Variants in CELF4 observed in about 807,000 individuals in gnomAD.
CELF4 encodes the protein CUG-BP- and ETR-3-like factor 4.
In CELF4, 18 loss-of-function variants were observed where a neutral mutation model predicts 59.9. The ratio of observed to expected loss-of-function variants is 0.30; its 90% CI spans 0.21 to 0.45. The LOEUF (loss-of-function observed/expected upper bound fraction) is 0.45, where lower values mean the gene tolerates loss of function less well. Among genes scored for constraint, CELF4 ranks in the 20% least tolerant of loss-of-function variants. The pLI, the probability that CELF4 is intolerant of heterozygous loss-of-function variation, is 1.00. For missense variants in CELF4, 456 were observed against 689.0 expected (o/e 0.66, Z 3.79); for synonymous variants, 261 against 267.1 (o/e 0.98, Z 0.22).
intron 1 of CELF4, among the ~76,000 whole-genome samples, chr18:37,515,003 G>C (rs946696955): frequency 6.6e-6 from 1 of 152,212 alleles, no homozygotes; most frequent in South Asian, 2.1e-4. Flanking sequence ...TCCATTGCGG[G>C]AACATAATTT....
In CELF4 at chr18:37,275,158, G is replaced by A. The variant is rs188640811; in HGVS notation, c.534C>T (p.Ile178=). ...VRRLFEAFGN[I]EECTILRGPD... ...GCCCGCGCAGGATGGTGCACTCCTC[G>A]ATGTTCCCAAAGGCCTCGAAAAGGC... is the stretch of plus-strand genomic sequence containing the variant. Residue 178 remains isoleucine (I), a synonymous_variant, in exon 4 of 13, where the codon ATC becomes ATT. Transcript: ENST00000420428. The A allele has an allele frequency of 5.0e-4, 806 of 1,613,520 alleles. 7 individuals carry two copies. The East Asian group carries it at 0.016, about 31-fold the overall frequency.
chr18:37,315,265 G>A (rs1043273149), intron 3 of CELF4, among the ~76,000 whole-genome samples: 13 of 152,132 alleles, frequency 8.5e-5, no homozygotes, highest in South Asian at 2.1e-4. Flanking sequence ...AAGAGACAAA[G>A]GGAGCCCACA....
chr18:37,365,360 C>G (rs542430083), intron 2 of CELF4, among the ~76,000 whole-genome samples: 2 of 151,838 alleles, frequency 1.3e-5, no homozygotes, highest in African/African-American at 4.8e-5. Flanking sequence ...AAACCTCATT[C>G]GAAGGGAGAA....
chr18:37,409,752 G>T (rs776521990), intron 2 of CELF4, among the ~76,000 whole-genome samples: 1 of 152,146 alleles, frequency 6.6e-6, no homozygotes, highest in Non-Finnish European at 1.5e-5. Context: ...AGGACTCTGG[G>T]TCTATACTTG....
intron 2 of CELF4, among the ~76,000 whole-genome samples, chr18:37,385,682 G>T (rs1390192702): frequency 1.7e-4 from 26 of 152,230 alleles, no homozygotes. Context: ...CTGACCTCCT[G>T]TCCAGAATGC....
intron 1 of CELF4, among the ~76,000 whole-genome samples, chr18:37,502,783 C>A (rs1029433319): frequency 3.3e-5 from 5 of 152,228 alleles, no homozygotes; most frequent in African/African-American, 1.2e-4. Context: ...TGAATTCCCA[C>A]CAATCAGCCA....
chr18:37,276,388 AT>A (rs879479116), intron 3 of CELF4: 1 of 152,240 alleles, frequency 6.6e-6, no homozygotes, highest in Non-Finnish European at 1.5e-5. Flanking sequence ...CAAATAAAGA[AT>A]GGCAGAAGTG....
chr18:37,260,143 C>T (rs1413318555), intron 10 of CELF4, among the ~76,000 whole-genome samples: 2 of 152,196 alleles, frequency 1.3e-5, no homozygotes, highest in Non-Finnish European at 2.9e-5. Flanking sequence ...AAAACACGCA[C>T]AGCTGGGAGG....
At chr18:37,513,956 G>GTA (rs1245131709) in intron 1 of CELF4, among the ~76,000 whole-genome samples, 22 of 94,248 alleles carry the variant, frequency 2.3e-4, no homozygotes, top group African/African-American at 1.3e-3. Flanking sequence ...GTGTGTGTGT[G>GTA]TGTGTGTGTG....
chr18:37,533,233 T>G lies in CELF4; in HGVS notation c.286+32123A>C, dbSNP rs1371412033. Among the ~76,000 whole-genome samples the G allele has an allele frequency of 3.3e-5, 5 of 152,218 alleles. No individual in the cohort carries two copies. In the South Asian group the frequency reaches 6.2e-4, roughly 19 times the overall value. ...TTCCTGTCTTGGTTCACAGACATTA[T>G]CCCACGAGCTTGTCCTCATTTCCCT... On this transcript the variant is annotated intron_variant, in intron 1 of 12. Transcript: ENST00000420428.
intron 1 of CELF4, among the ~76,000 whole-genome samples, chr18:37,513,230 C>G (rs547701427): frequency 6.6e-6 from 1 of 152,196 alleles, no homozygotes; most frequent in Admixed American, 6.5e-5. Context: ...AAGGAAAACT[C>G]TGTGGTATCC....
chr18:37,545,485 C>T (rs943135626), intron 1 of CELF4, among the ~76,000 whole-genome samples: 1 of 152,204 alleles, frequency 6.6e-6, no homozygotes, highest in Admixed American at 6.5e-5. Context: ...TGTAGCTGGA[C>T]ACATGGGCTA....
intron 1 of CELF4, among the ~76,000 whole-genome samples, chr18:37,538,578 AT>A (rs566109176): frequency 4.4e-4 from 67 of 152,176 alleles, no homozygotes; most frequent in African/African-American, 1.4e-3. Context: ...TGTTGAATTG[AT>A]TTGTGTTAAA....
chr18:37,328,383 A>G (rs918660737), intron 2 of CELF4, among the ~76,000 whole-genome samples: 1 of 152,208 alleles, frequency 6.6e-6, no homozygotes, highest in African/African-American at 2.4e-5. Context: ...TGACTGGCCC[A>G]TGGGATGGCC....
chr18:37,470,890 C>CAGAG (rs142446683), intron 2 of CELF4, among the ~76,000 whole-genome samples: 6,109 of 94,946 alleles, frequency 0.064, 341 homozygotes, highest in Middle Eastern at 0.1. Flanking sequence ...GTGTGTGTGA[C>CAGAG]AGAGAGAGAG....
intron 2 of CELF4, among the ~76,000 whole-genome samples, chr18:37,352,622 A>T (rs1004462125): frequency 7.3e-5 from 11 of 150,008 alleles, no homozygotes; most frequent in African/African-American, 2.2e-4. Flanking sequence ...TAAAAAAAAG[A>T]ATTTTAAGTA....
chr18:37,496,677 A>G (rs1021245576), intron 1 of CELF4, among the ~76,000 whole-genome samples: 1 of 152,188 alleles, frequency 6.6e-6, no homozygotes, highest in Non-Finnish European at 1.5e-5. Flanking sequence ...AAGAAGAAAA[A>G]CAATCTCACA....
chr18:37,336,096 C>T (rs1047034646), intron 2 of CELF4, among the ~76,000 whole-genome samples: 8 of 152,226 alleles, frequency 5.3e-5, no homozygotes, highest in Admixed American at 5.2e-4. Flanking sequence ...CCCCACCTCC[C>T]CAGATCATAG....
intron 1 of CELF4, among the ~76,000 whole-genome samples, chr18:37,530,337 T>C (rs1177968352): frequency 6.6e-6 from 1 of 152,122 alleles, no homozygotes; most frequent in Non-Finnish European, 1.5e-5. Context: ...GTGGGTCATC[T>C]GGCTTCAGCA....
Sources: gnomAD v4.1 joint callset for allele counts (sites outside exome capture counted in the v4.1 genomes callset) on GRCh38, gnomAD v4.1.1 for gene constraint, MANE v1.5 for transcripts, NCBI Gene and HGNC (gene_info 2026-07-23, HGNC 2026-07-21) for gene names.